The following NFIX variants were observed in gnomAD, a reference collection of about 807,000 sequenced individuals.
The protein encoded by NFIX is nuclear factor 1 X-type.
Under a neutral mutation model 53.3 loss-of-function variants are expected in NFIX, and 2 were observed. The observed-to-expected ratio is 0.04, with a 90% CI of 0.02 to 0.12. The LOEUF (loss-of-function observed/expected upper bound fraction) is 0.12, where lower values mean the gene tolerates loss of function less well. NFIX is among the 10% of genes least tolerant of loss of function. The pLI is 1.00. For missense variants in NFIX, 310 were observed against 674.5 expected (o/e 0.46, Z 5.99); for synonymous variants, 244 against 289.0 (o/e 0.84, Z 1.58).
rs1398473615 is a variant in NFIX, at chr19:13,001,979, CCTCT to C, written c.27+6116_27+6119del. 6.6e-6 allele frequency among the ~76,000 whole-genome samples: 1 copy of C among 152,160 alleles called. No individual in the cohort carries two copies. Among genetic ancestry groups the C allele is most frequent in the Non-Finnish European group, 1.5e-5 (1 of 68,020 alleles). On this transcript the variant is annotated intron_variant, in intron 1 of 10. Coordinates refer to ENST00000592199, the MANE Select transcript of NFIX (RefSeq NM_001365902.3). The surrounding 1 kb of genome is among the most constrained non-coding windows in gnomAD (Gnocchi z 6.5). ...TGTGTTCGGGCCGCCCACAGGCCTC[CCTCT>C]GTCTGCCCGGCGCACATTGATCTTG...
intron 1 of NFIX, among the ~76,000 whole-genome samples, chr19:13,003,102 G>T (rs1489954340): frequency 7.1e-6 from 1 of 141,450 alleles, no homozygotes; most frequent in African/African-American, 2.6e-5. Context: ...TTGGGGAGTT[G>T]GGGGGGGGTT....
chr19:13,079,558 C>T (rs1038082339), intron 7 of NFIX, among the ~76,000 whole-genome samples: 3 of 152,140 alleles, frequency 2.0e-5, no homozygotes, highest in Non-Finnish European at 2.9e-5. Flanking sequence ...CTCCTGGGCT[C>T]GTATGTAGGA....
At chr19:13,063,612 G>T (rs1249347022) in intron 2 of NFIX, among the ~76,000 whole-genome samples, 1 of 151,076 alleles carries the variant, frequency 6.6e-6, no homozygotes, top group Non-Finnish European at 1.5e-5. Flanking sequence ...TTCTTTCTTT[G>T]CTTTGGCCCT....
intron 10 of NFIX, among the ~76,000 whole-genome samples, chr19:13,092,765 G>A (rs542451367): frequency 6.6e-6 from 1 of 152,318 alleles, no homozygotes; most frequent in Non-Finnish European, 1.5e-5. Context: ...TCCCACCCCC[G>A]GGCCTGGGCC....
At chr19:13,061,514 C>T (rs944332974) in intron 2 of NFIX, among the ~76,000 whole-genome samples, 1 of 152,204 alleles carries the variant, frequency 6.6e-6, no homozygotes, top group Non-Finnish European at 1.5e-5. Flanking sequence ...CCGCAGCCCT[C>T]GGAGGGCAGC....
intron 1 of NFIX, among the ~76,000 whole-genome samples, chr19:13,016,052 G>A (rs1270353004): frequency 6.6e-6 from 1 of 152,082 alleles, no homozygotes; most frequent in Non-Finnish European, 1.5e-5. Flanking sequence ...TTCTTAATCT[G>A]GGTGGGGTTA....
At position 13,006,075 on chromosome 19, in the gene NFIX, G is replaced by A. The variant is rs559092427; in HGVS notation, c.27+10211G>A. Among the ~76,000 whole-genome samples, 1 of 152,344 alleles carries A rather than the reference G, an allele frequency of 6.6e-6. No individual in the cohort carries two copies. Among genetic ancestry groups the A allele is most frequent in the Non-Finnish European group, 1.5e-5 (1 of 68,028 alleles). ...GGCAGGGAGCAAAATCTGCAAAGAT[G>A]CCAGCCCCGGTGGGAGGGCAGACTG... On this transcript the variant is annotated intron_variant, in intron 1 of 10. Transcript: ENST00000592199. This position sits in a 1 kb window ranked among gnomAD's most constrained non-coding sequence, Gnocchi z 5.6.
intron 2 of NFIX, among the ~76,000 whole-genome samples, chr19:13,057,495 A>C (rs1379487875): frequency 6.6e-6 from 1 of 152,096 alleles, no homozygotes; most frequent in Non-Finnish European, 1.5e-5. Flanking sequence ...CGCTCCCACC[A>C]AGCCGGCTCC....
chr19:13,000,554 G>C (rs1460133117), intron 1 of NFIX, among the ~76,000 whole-genome samples: 1 of 151,512 alleles, frequency 6.6e-6, no homozygotes, highest in Non-Finnish European at 1.5e-5. Flanking sequence ...GATGGTGGGG[G>C]AGAGTGGGGG....
intron 2 of NFIX, among the ~76,000 whole-genome samples, chr19:13,055,382 C>G (rs965646564): frequency 1.3e-5 from 2 of 152,200 alleles, no homozygotes; most frequent in Non-Finnish European, 2.9e-5. Context: ...TGAGGGTCCC[C>G]CGAGTCCTTC....
At chr19:13,064,403 A>G (rs2016276008) in intron 2 of NFIX, among the ~76,000 whole-genome samples, 1 of 151,738 alleles carries the variant, frequency 6.6e-6, no homozygotes, top group Admixed American at 6.6e-5. Context: ...TGGGCCTAGC[A>G]CTCCCAGAGT....
chr19:13,013,159 C>G lies in NFIX; in HGVS notation c.28-11862C>G, dbSNP rs1231798751. On this transcript the variant is annotated intron_variant, in intron 1 of 10. Coordinates refer to ENST00000592199, the MANE Select transcript of NFIX (RefSeq NM_001365902.3). This position sits in a 1 kb window ranked among gnomAD's most constrained non-coding sequence, Gnocchi z 5.9. ...CAGGGCTGATTTCTTGAATTTGGGGCGTCGAGGCCTCCCCACCCGTTGCTA... is the reference window on the plus strand; with the variant it reads ...CAGGGCTGATTTCTTGAATTTGGGGGGTCGAGGCCTCCCCACCCGTTGCTA... Among the ~76,000 whole-genome samples the G allele has an allele frequency of 6.6e-6, 1 of 152,096 alleles. No individual in the cohort carries two copies. The highest frequency in any genetic ancestry group is 1.5e-5 in the Non-Finnish European group (1 of 68,034).
chr19:13,056,759 C>G (rs768887171), intron 2 of NFIX, among the ~76,000 whole-genome samples: 2 of 152,208 alleles, frequency 1.3e-5, no homozygotes, highest in Non-Finnish European at 2.9e-5. Context: ...GTGCAAAATG[C>G]AAACTCAGGG....
At chr19:13,042,307 A>T (rs1344084423) in intron 2 of NFIX, among the ~76,000 whole-genome samples, 1 of 150,186 alleles carries the variant, frequency 6.7e-6, no homozygotes, top group African/African-American at 2.5e-5. Flanking sequence ...ACCTCTTATT[A>T]TAAGTGTAAT....
At chr19:13,024,742 G>A (rs1186536409) in intron 1 of NFIX, 2 of 1,532,690 alleles carry the variant, frequency 1.3e-6, no homozygotes, top group African/African-American at 2.7e-5. Context: ...GGGAGAGAGA[G>A]AGAGAATAGG....
In NFIX at chr19:13,081,340, A is replaced by C. The variant is rs1045723876; in HGVS notation, c.1079-340A>C. Among the ~76,000 whole-genome samples the C allele has an allele frequency of 1.6e-4, 25 of 152,088 alleles. No individual in the cohort carries two copies. Among genetic ancestry groups the C allele is most frequent in the African/African-American group, 6.0e-4 (25 of 41,402 alleles). On this transcript the variant is annotated intron_variant, in intron 7 of 10. Coordinates refer to ENST00000592199, the MANE Select transcript of NFIX (RefSeq NM_001365902.3). The surrounding 1 kb of genome is among the most constrained non-coding windows in gnomAD (Gnocchi z 4.7). Reference sequence around the variant, plus strand: ...ATAACACTTTTTTAAAAAGCCAAATAAAATAAAGACAAGATCCTACCCTGC... The same window carrying C: ...ATAACACTTTTTTAAAAAGCCAAATCAAATAAAGACAAGATCCTACCCTGC...
rs1444876611 is a variant in NFIX at position 13,025,028 on chromosome 19, T to C, written c.35T>C (p.Phe12Ser). 6.2e-7 allele frequency: 1 copy of C among 1,603,562 alleles called. No individual in the cohort carries two copies. Among genetic ancestry groups the C allele is most frequent in the Non-Finnish European group, 8.5e-7 (1 of 1,175,410 alleles). ...YSPYCLTQDE[F>S]HPFIEALLPH... is the part of the protein sequence containing the mutation. ...CCGGCTTGCCGCCTGCAGGATGAGT[T>C]CCACCCGTTCATCGAGGCACTGCTG... is the stretch of plus-strand genomic sequence containing the variant. The change falls in exon 2 of 11, where the codon TTC becomes TCC. Residue 12 changes from phenylalanine (F) to serine (S), a missense_variant. Around this residue, in one of 5 missense-constraint regions of NFIX, gnomAD observed 64 missense variants for 144.5 expected, o/e 0.44. Transcript: ENST00000592199. This position sits in a 1 kb window ranked among gnomAD's most constrained non-coding sequence, Gnocchi z 7.5.
intron 5 of NFIX, 118 bp downstream of exon 5, chr19:13,074,144 C>G: frequency 7.7e-7 from 1 of 1,303,910 alleles, no homozygotes; most frequent in South Asian, 1.3e-5. Flanking sequence ...TGTCACCTCT[C>G]TCATTGAGGG....
intron 8 of NFIX, among the ~76,000 whole-genome samples, chr19:13,086,935 C>G (rs889823646): frequency 5.9e-5 from 9 of 152,256 alleles, no homozygotes; most frequent in Non-Finnish European, 2.9e-5. Flanking sequence ...GAGGAGCACA[C>G]AGCATCCTCT....
Sources: allele counts gnomAD v4.1 joint callset (sites outside exome capture counted in the v4.1 genomes callset), GRCh38; gene constraint gnomAD v4.1.1; regional missense constraint gnomAD v4.1.1; non-coding constraint Gnocchi (gnomAD v3.1); transcripts MANE v1.5; gene names NCBI Gene and HGNC (gene_info 2026-07-23, HGNC 2026-07-21).